Variants in PDE8B observed in about 807,000 individuals in gnomAD.
The protein encoded by PDE8B is phosphodiesterase 8B, also known as high affinity cAMP-specific and IBMX-insensitive 3',5'-cyclic phosphodiesterase 8B.
PDE8B carries 26 observed loss-of-function variants against 101.3 expected under a neutral mutation model. That is an observed-to-expected ratio of 0.26 (90% CI 0.19 to 0.36). The LOEUF is 0.36. PDE8B is among the 10% of genes least tolerant of loss of function. The pLI is 1.00. For missense variants in PDE8B, 810 were observed against 1,163.1 expected, an observed-to-expected ratio of 0.70 and a Z score of 4.42; for synonymous variants, 424 against 429.3, an observed-to-expected ratio of 0.99 and a Z score of 0.15.
the PDE8B span, among the ~76,000 whole-genome samples, chr5:77,135,244 C>T: frequency 6.6e-6 from 1 of 152,274 alleles, no homozygotes. Flanking sequence ...GGTAGCAGAC[C>T]TGCATTATAT....
At chr5:77,279,077 T>G (rs184752224) in intron 1 of PDE8B, among the ~76,000 whole-genome samples, 17 of 152,328 alleles carry the variant, frequency 1.1e-4, no homozygotes, top group Non-Finnish European at 1.8e-4. Context: ...AATTACATCT[T>G]TATATCACAT....
At chr5:77,202,791 T>C in the PDE8B span, among the ~76,000 whole-genome samples, 1 of 152,168 alleles carries the variant, frequency 6.6e-6, no homozygotes, top group African/African-American at 2.4e-5. Context: ...GGCTAATTTT[T>C]ATTTTTAGTA....
chr5:77,172,753 TA>T, the PDE8B span, among the ~76,000 whole-genome samples: 7 of 152,194 alleles, frequency 4.6e-5, no homozygotes, highest in Non-Finnish European at 1.0e-4. Context: ...CAGTGCTGAC[TA>T]GGGGGAGCAC....
At chr5:77,235,060 C>T (rs2149508883) in intron 1 of PDE8B, among the ~76,000 whole-genome samples, 1 of 152,298 alleles carries the variant, frequency 6.6e-6, no homozygotes, top group Non-Finnish European at 1.5e-5. Context: ...GTACAATTAT[C>T]ATGGCCGTCA....
At position 77,211,076 on chromosome 5, in the gene PDE8B, G is replaced by A; in HGVS notation, c.151G>A (p.Asp51Asn). 5 of 1,505,418 alleles carry A rather than the reference G, an allele frequency of 3.3e-6. No individual in the cohort carries two copies. The highest frequency in any genetic ancestry group is 8.8e-7 in the Non-Finnish European group (1 of 1,135,126). 93.3% of individuals were successfully genotyped at this position (1,505,418 alleles called of 1,614,324 possible). Reference sequence around the variant, plus strand: ...CCTCTTCGTCCAGACCGACGCCGCCGACGCCATCCCCCCGAGCCGCGCGTC... The same window carrying A: ...CCTCTTCGTCCAGACCGACGCCGCCAACGCCATCCCCCCGAGCCGCGCGTC... ...PGLFVQTDAA[D>N]AIPPSRASGP... Residue 51 changes from aspartate to asparagine, a missense_variant, in exon 1 of 22, where the codon GAC (aspartate) becomes AAC (asparagine). Asp to Asn is a conservative substitution (Grantham distance 23, BLOSUM62 1). Around this residue, in one of 4 missense-constraint regions of PDE8B, gnomAD observed 159 missense variants for 146.6 expected, o/e 1.08. Coordinates refer to ENST00000264917, the MANE Select transcript of PDE8B (RefSeq NM_003719.5). This position sits in a 1 kb window ranked among gnomAD's most constrained non-coding sequence, Gnocchi z 4.1.
chr5:77,160,787 A>G, the PDE8B span, among the ~76,000 whole-genome samples: 2 of 152,044 alleles, frequency 1.3e-5, no homozygotes, highest in African/African-American at 4.8e-5. Flanking sequence ...AGTAGCTGGA[A>G]CTACAGAAGT....
Position 77,427,644 on chromosome 5 carries a change from G to A in PDE8B, c.*1090G>A, listed in dbSNP as rs1798385223. ...ATATCAGAAAATAGGCATATGGGGA[G>A]GCAGTAAATACTATTTTAAGCTATT... On this transcript the variant is annotated 3_prime_UTR_variant, in exon 22 of 22. Coordinates refer to ENST00000264917, the MANE Select transcript of PDE8B (RefSeq NM_003719.5). 6.6e-6 allele frequency: 1 copy of A among 152,074 alleles called. No homozygotes were observed. Among genetic ancestry groups the A allele is most frequent in the African/African-American group, 2.4e-5 (1 of 41,402 alleles). The allele number at this position is 152,074 out of a possible 1,614,324, so 9.4% of individuals were successfully genotyped here.
Position 77,211,265 on chromosome 5 carries a change from G to T in PDE8B, c.339+1G>T. ...TCAGACCTGCTACACCAGCGTGAAG[G>T]TAAATGCCCCGCGCTGGCACACGCC... On this transcript the variant is annotated splice_donor_variant, in intron 1 of 21. Coordinates refer to ENST00000264917, the MANE Select transcript of PDE8B (RefSeq NM_003719.5). LOFTEE classifies it high-confidence loss of function. This position sits in a 1 kb window ranked among gnomAD's most constrained non-coding sequence, Gnocchi z 4.1. 6.4e-7 allele frequency: 1 copy of T among 1,563,134 alleles called. No homozygotes were observed. Among genetic ancestry groups the T allele is most frequent in the Middle Eastern group, 1.7e-4 (1 of 5,808 alleles).
At chr5:77,408,402 T>C (rs977105021) in intron 13 of PDE8B, among the ~76,000 whole-genome samples, 7 of 152,172 alleles carry the variant, frequency 4.6e-5, no homozygotes, top group African/African-American at 1.7e-4. Context: ...TTTATGTGAT[T>C]TCTATGGAGA....
At chr5:77,118,876 C>G in the PDE8B span, 1 of 152,650 alleles carries the variant, frequency 6.6e-6, no homozygotes, top group East Asian at 1.9e-4. Flanking sequence ...GTTATACCTT[C>G]TTTGCTCACC....
chr5:77,344,974 C>G, intron 7 of PDE8B, 43 bp downstream of exon 7: 1 of 1,321,016 alleles, frequency 7.6e-7, no homozygotes, highest in Non-Finnish European at 1.1e-6. Context: ...TCAAAATGAA[C>G]CTTTCAGGTT....
At chr5:77,399,647 T>A (rs922096419) in intron 10 of PDE8B, among the ~76,000 whole-genome samples, 1 of 152,222 alleles carries the variant, frequency 6.6e-6, no homozygotes, top group African/African-American at 2.4e-5. Flanking sequence ...CTTCCTTTTG[T>A]CATTTGACAG....
At chr5:77,215,293 T>C (rs1240455817) in intron 1 of PDE8B, among the ~76,000 whole-genome samples, 1 of 152,230 alleles carries the variant, frequency 6.6e-6, no homozygotes, top group Admixed American at 6.5e-5. Flanking sequence ...TCTCAGCTCT[T>C]GGAATTCTTG....
the PDE8B span, among the ~76,000 whole-genome samples, chr5:77,166,337 G>A: frequency 1.1e-4 from 16 of 151,888 alleles, no homozygotes; most frequent in African/African-American, 3.1e-4. Flanking sequence ...GCTTGTCTTC[G>A]GTACCATAAT....
chr5:77,401,028 T>C (rs1792155671), intron 11 of PDE8B, among the ~76,000 whole-genome samples: 1 of 152,216 alleles, frequency 6.6e-6, no homozygotes, highest in African/African-American at 2.4e-5. Flanking sequence ...GTGGATCATA[T>C]CTAGCATACT....
intron 5 of PDE8B, among the ~76,000 whole-genome samples, chr5:77,335,440 T>G (rs1372298057): frequency 2.0e-5 from 3 of 152,066 alleles, no homozygotes; most frequent in Non-Finnish European, 4.4e-5. Flanking sequence ...AGCTTCCACG[T>G]AAGAATTGTG....
chr5:77,355,737 C>G (rs181573925), intron 10 of PDE8B, among the ~76,000 whole-genome samples: 440 of 152,274 alleles, frequency 2.9e-3, no homozygotes, highest in Non-Finnish European at 4.5e-3. Flanking sequence ...ATGCATCTGC[C>G]CCCAATGTCA....
intron 1 of PDE8B, among the ~76,000 whole-genome samples, chr5:77,287,752 C>T (rs964815002): frequency 6.6e-6 from 1 of 152,158 alleles, no homozygotes; most frequent in Non-Finnish European, 1.5e-5. Flanking sequence ...CATATAAACC[C>T]ATCCATCTGG....
intron 7 of PDE8B, among the ~76,000 whole-genome samples, chr5:77,347,259 G>T (rs1258813589): frequency 6.6e-6 from 1 of 152,196 alleles, no homozygotes; most frequent in Non-Finnish European, 1.5e-5. Context: ...TACTCATTTT[G>T]CAGATGAGGA....
Sources: gnomAD v4.1 joint callset for allele counts (sites outside exome capture counted in the v4.1 genomes callset) on GRCh38, gnomAD v4.1.1 for gene constraint, gnomAD v4.1.1 regional missense constraint, Gnocchi (gnomAD v3.1) non-coding constraint, MANE v1.5 for transcripts, NCBI Gene and HGNC (gene_info 2026-07-23, HGNC 2026-07-21) for gene names.